MYO1G: variants seen among roughly 807,000 people sequenced by gnomAD.
MYO1G encodes the protein myosin IG, also known as unconventional myosin-Ig.
In MYO1G, 65 loss-of-function variants were observed where a neutral mutation model predicts 115.3. The observed-to-expected ratio is 0.56, with a 90% confidence interval of 0.46 to 0.69. The LOEUF is 0.69. MYO1G is among the 30% of genes least tolerant of loss of function. MYO1G has a pLI of 0.00. For synonymous variants in MYO1G, 510 were observed against 552.6 expected (o/e 0.92, Z 1.08); for missense variants, 1,204 against 1,393.5 (o/e 0.86, Z 2.16).
chr7:44,969,521 G>C lies in MYO1G; in HGVS notation c.1504-38C>G. The C allele has an allele frequency of 6.2e-7, 1 of 1,610,036 alleles. No individual in the cohort carries two copies. Among genetic ancestry groups the C allele is most frequent in the Non-Finnish European group, 8.5e-7 (1 of 1,176,720 alleles). On this transcript the variant is annotated intron_variant, in intron 11 of 21. Transcript: ENST00000258787. This position sits in a 1 kb window ranked among gnomAD's most constrained non-coding sequence, Gnocchi z 5.0. ...GCTGAGGTCAAGGCACAAAAGGTAT[G>C]TGGAGGGTCTGTATGAAGGGATAGC...
Position 44,964,133 on chromosome 7 carries a change from C to T in MYO1G, c.2661G>A (p.Arg887=). The change falls in exon 20 of 22, where the codon CGG becomes CGA. Residue 887 remains arginine, a synonymous_variant. Transcript: ENST00000258787. This position sits in a 1 kb window ranked among gnomAD's most constrained non-coding sequence, Gnocchi z 5.1. ...KVNRFHKIRN[R]ALLLTDQHLY... is the part of the protein sequence containing the mutation. ...GGTGCTGGTCTGTGAGCAGGAGGGCCCGGTTCCGGATCTTGTGGAAGCGGT... is the reference window on the plus strand; with the variant it reads ...GGTGCTGGTCTGTGAGCAGGAGGGCTCGGTTCCGGATCTTGTGGAAGCGGT... 6.2e-7 allele frequency: 1 copy of T among 1,602,438 alleles called. No individual in the cohort carries two copies. Among genetic ancestry groups the T allele is most frequent in the Non-Finnish European group, 8.5e-7 (1 of 1,174,564 alleles).
In MYO1G at chr7:44,976,663, G is replaced by A. The variant is rs763157394; in HGVS notation, c.305-6C>T. On this transcript the variant is annotated splice_region_variant and splice_polypyrimidine_tract_variant and intron_variant, in intron 2 of 21. Transcript: ENST00000258787. ...CTTCCCTGCCCCACTCTCCCCTGCC[G>A]GAAAGACCAGAGTTGAGAGAATCAG... 6 of 1,613,952 alleles carry A rather than the reference G, an allele frequency of 3.7e-6. No homozygotes were observed. The highest frequency in any genetic ancestry group is 3.3e-5 in the South Asian group (3 of 91,074).
rs757512966 is a variant in MYO1G at position 44,965,006 on chromosome 7, AG to A, written c.2464del (p.Leu822CysfsTer36). On this transcript the variant is annotated frameshift_variant, in exon 18 of 22. Transcript: ENST00000258787. LOFTEE classifies it high-confidence loss of function. ...GCCCCAGTCCTGACGAAGCCCTTGC[AG>A]GGCCCCCATGGCGGCCACCTTGGCC... The part of the protein sequence containing the change: ...IKAKVAAMGA[L>X]QGLRQDWGCR... 2 of 1,610,424 alleles carry A rather than the reference AG, an allele frequency of 1.2e-6. No homozygotes were observed. The highest frequency in any genetic ancestry group is 1.3e-5 in the African/African-American group (1 of 74,890).
At chr7:44,974,750 TC>T (rs1195395246) in intron 5 of MYO1G, 1 of 214,602 alleles carries the variant, frequency 4.7e-6, no homozygotes, top group Non-Finnish European at 9.7e-6. Flanking sequence ...GTGGAGACAG[TC>T]CCTGGGCGCG....
At chr7:44,965,446 A>G (rs1562827071) in intron 17 of MYO1G, among the ~76,000 whole-genome samples, 191 bp downstream of exon 17, 2 of 152,192 alleles carry the variant, frequency 1.3e-5, no homozygotes, top group Non-Finnish European at 2.9e-5. Flanking sequence ...CCACCACAGT[A>G]CCCAAGATGG....
At chr7:44,975,076 G>T in intron 5 of MYO1G, 98 bp downstream of exon 5, 1 of 1,264,096 alleles carries the variant, frequency 7.9e-7, no homozygotes, top group Non-Finnish European at 1.2e-6. Context: ...CAGAGAGGGG[G>T]AATTGGGGTA....
chr7:44,975,041 G>A, intron 5 of MYO1G, 133 bp downstream of exon 5: 13 of 902,654 alleles, frequency 1.4e-5, no homozygotes, highest in Admixed American at 8.6e-5. Context: ...GAGTGAGGAC[G>A]ATGGGCTAGG....
Position 44,975,528 on chromosome 7 carries a change from C to T in MYO1G, c.520G>A (p.Gly174Arg), listed in dbSNP as rs150595238. Reference protein sequence around the residue: ...KYMDINFDFKGDPIGGHIHSY... With the variant: ...KYMDINFDFKRDPIGGHIHSY... ...TGGATGTGTCCTCCGATCGGGTCCC[C>T]CTTGAAGTCAAAGTTGATGTCCATG... is the stretch of plus-strand genomic sequence containing the variant. Residue 174 changes from glycine (G) to arginine (R), a missense_variant, in exon 4 of 22, where the codon GGG becomes AGG. By Grantham distance (125) the Gly-to-Arg change is moderately radical (BLOSUM62 -2). Transcript: ENST00000258787. The T allele has an allele frequency of 2.5e-6, 4 of 1,613,910 alleles. No homozygotes were observed. Among genetic ancestry groups the T allele is most frequent in the African/African-American group, 1.3e-5 (1 of 75,040 alleles).
intron 1 of MYO1G, among the ~76,000 whole-genome samples, chr7:44,977,334 C>T (rs1373040346): frequency 6.6e-6 from 1 of 152,210 alleles, no homozygotes. Flanking sequence ...CCCAAGGTCA[C>T]TGGAAACATG....
At chr7:44,965,311 C>A (rs529927726) in intron 17 of MYO1G, among the ~76,000 whole-genome samples, 1 of 152,370 alleles carries the variant, frequency 6.6e-6, no homozygotes. Context: ...TCTGAGCATG[C>A]TCTGTGCCCC....
chr7:44,974,290 C>T (rs555532037), intron 5 of MYO1G: 1 of 151,474 alleles, frequency 6.6e-6, no homozygotes, highest in East Asian at 2.0e-4. Flanking sequence ...ACCCTGCCCG[C>T]TACCCAGGGA....
Position 44,976,566 on chromosome 7 carries a change from C to T in MYO1G, c.396G>A (p.Glu132=). 1 of 1,614,096 alleles carries T rather than the reference C, an allele frequency of 6.2e-7. No homozygotes were observed. ...CAGAGCTGCCCATTGCCACTCACCT[C>T]TCCACCTCAGCCCTCTGGCTTGGAT... The part of the protein sequence containing the change: ...VTNPSQRAEV[E]RVKDVLLKST... The change falls in exon 3 of 22, where the codon GAG becomes GAA. Residue 132 remains glutamate, a splice_region_variant and synonymous_variant. Coordinates refer to ENST00000258787, the MANE Select transcript of MYO1G (RefSeq NM_033054.3).
chr7:44,969,324 G>A lies in MYO1G; in HGVS notation c.1574+89C>T, dbSNP rs1397132245. 5.3e-5 allele frequency: 71 copies of A among 1,344,116 alleles called. No homozygotes were observed. Among genetic ancestry groups the A allele is most frequent in the Admixed American group, 5.0e-5 (3 of 59,410 alleles). The allele number at this position is 1,344,116 out of a possible 1,614,324, so 83.3% of individuals were successfully genotyped here. A position where few individuals can be genotyped will look rare whatever the true frequency, so the allele number is the denominator to read the frequency against. Reference sequence around the variant, plus strand: ...AGAAGTGGCCATAACACCTGTCTCCGAGCCACTCCCCTGAAGCGCTCCTGC... The same window carrying A: ...AGAAGTGGCCATAACACCTGTCTCCAAGCCACTCCCCTGAAGCGCTCCTGC... On this transcript the variant is annotated intron_variant, in intron 12 of 21. Transcript: ENST00000258787. The surrounding 1 kb of genome is among the most constrained non-coding windows in gnomAD (Gnocchi z 5.0).
At chr7:44,968,679 A>G (rs1447283175) in intron 12 of MYO1G, 1 of 152,134 alleles carries the variant, frequency 6.6e-6, no homozygotes, top group Non-Finnish European at 1.5e-5. Context: ...TAATTTTTAT[A>G]TTTTTAGTAC....
chr7:44,966,048 T>C lies in MYO1G; in HGVS notation c.2157+25A>G, dbSNP rs73104171. On this transcript the variant is annotated intron_variant, in intron 16 of 21. Transcript: ENST00000258787. The surrounding 1 kb of genome is among the most constrained non-coding windows in gnomAD (Gnocchi z 5.0). ...AAGCTTTCCCCACCTCCATAGTGGA[T>C]GTCTTCCTGCCCCGCCCACCTCACC... The C allele has an allele frequency of 0.051, 81,318 of 1,605,860 alleles. 2,222 individuals are homozygous for C. Among genetic ancestry groups the C allele is most frequent in the Middle Eastern group, 0.06 (348 of 5,762 alleles).
At position 44,966,225 on chromosome 7, in the gene MYO1G, C is replaced by T. The variant is rs907176490; in HGVS notation, c.2005G>A (p.Ala669Thr). The T allele has an allele frequency of 1.9e-6, 3 of 1,612,238 alleles. No homozygotes were observed. Among genetic ancestry groups the T allele is most frequent in the Non-Finnish European group, 2.5e-6 (3 of 1,179,752 alleles). ...WPNHLLGSDK[A>T]AVSALLEQHG... ...TGCTCCAGGAGAGCGCTCACGGCTG[C>T]CTTGTCGGAGCCCAGCAGGTGGTTG... The change falls in exon 16 of 22, where the codon GCA (alanine) becomes ACA (threonine). Residue 669 changes from alanine to threonine, a missense_variant. Transcript: ENST00000258787. The surrounding 1 kb of genome is among the most constrained non-coding windows in gnomAD (Gnocchi z 5.0).
chr7:44,972,278 T>TAC (rs1173675721), intron 5 of MYO1G, 53 bp from the exon 6 acceptor site: 3 of 1,270,428 alleles, frequency 2.4e-6, no homozygotes, highest in Non-Finnish European at 3.5e-6. Flanking sequence ...TGTCCCCCTG[T>TAC]ACACACACAC....
At position 44,970,022 on chromosome 7, in the gene MYO1G, C is replaced by T; in HGVS notation, c.1332+18G>A. ...CCACACCCCACTGCCTGGCCTCCCT[C>T]CAGGCCACAGTGCTCACGCTCTGCC... On this transcript the variant is annotated intron_variant, in intron 10 of 21. Coordinates refer to ENST00000258787, the MANE Select transcript of MYO1G (RefSeq NM_033054.3). The T allele has an allele frequency of 1.9e-6, 3 of 1,610,058 alleles. No homozygotes were observed. In the South Asian group the frequency reaches 3.3e-5, roughly 18 times the overall value.
chr7:44,970,477 C>T (rs1038959444), intron 9 of MYO1G, 115 bp downstream of exon 9: 2 of 1,409,062 alleles, frequency 1.4e-6, no homozygotes, highest in African/African-American at 1.4e-5. Context: ...GGCCCAGGGA[C>T]CAGCCGGGAG....
Sources: gnomAD v4.1 joint callset for allele counts (sites outside exome capture counted in the v4.1 genomes callset) on GRCh38, gnomAD v4.1.1 for gene constraint, Gnocchi (gnomAD v3.1) non-coding constraint, MANE v1.5 for transcripts, NCBI Gene and HGNC (gene_info 2026-07-23, HGNC 2026-07-21) for gene names.